The following SLC24A2 variants were observed in gnomAD, a reference collection of about 807,000 sequenced individuals.
The protein encoded by SLC24A2 is solute carrier family 24 member 2.
A neutral mutation model predicts 62.0 loss-of-function variants in SLC24A2; 36 were observed. The observed-to-expected ratio is 0.58, with a 90% CI of 0.44 to 0.77. SLC24A2 has a LOEUF of 0.77. Among genes scored for constraint, SLC24A2 ranks in the 30% least tolerant of loss-of-function variants. The pLI is 0.00. For missense variants in SLC24A2, 846 were observed against 817.9 expected (o/e 1.03, Z -0.42); for synonymous variants, 358 against 294.0 (o/e 1.22, Z -2.23).
At chr9:20,219,784 G>T in the SLC24A2 span, among the ~76,000 whole-genome samples, 1 of 152,030 alleles carries the variant, frequency 6.6e-6, no homozygotes. Context: ...CTTGCTCTTG[G>T]GTCCAGCTGT....
At chr9:20,118,796 T>C in the SLC24A2 span, among the ~76,000 whole-genome samples, 15 of 152,188 alleles carry the variant, frequency 9.9e-5, no homozygotes, top group African/African-American at 3.1e-4. Context: ...GGTAAACAAG[T>C]ATAGGGTAGT....
intron 2 of SLC24A2, among the ~76,000 whole-genome samples, chr9:19,666,601 G>C (rs1257488855): frequency 1.1e-4 from 16 of 152,148 alleles, no homozygotes; most frequent in Non-Finnish European, 1.5e-5. Flanking sequence ...TTAGTGCAGA[G>C]TTTAGAAAGC....
the SLC24A2 span, among the ~76,000 whole-genome samples, chr9:20,219,836 T>A: frequency 4.6e-5 from 7 of 152,166 alleles, no homozygotes; most frequent in Middle Eastern, 3.2e-3. Flanking sequence ...AATAAACAAT[T>A]TCATAATTTC....
At chr9:20,045,700 G>T in the SLC24A2 span, among the ~76,000 whole-genome samples, 169 of 152,182 alleles carry the variant, frequency 1.1e-3, no homozygotes, top group African/African-American at 3.2e-3. Flanking sequence ...CAAAGAGCTG[G>T]AATTACAGGG....
chr9:19,664,217 A>G (rs929701113), intron 2 of SLC24A2, among the ~76,000 whole-genome samples: 1 of 152,248 alleles, frequency 6.6e-6, no homozygotes, highest in African/African-American at 2.4e-5. Context: ...TAGGAGTCAG[A>G]ATCAAAACAT....
chr9:19,531,110 C>A (rs1344709827), intron 8 of SLC24A2, among the ~76,000 whole-genome samples: 3 of 152,192 alleles, frequency 2.0e-5, no homozygotes, highest in African/African-American at 7.2e-5. Flanking sequence ...ATCTGCCTCG[C>A]CCAACCTCCC....
chr9:20,128,266 T>C, the SLC24A2 span, among the ~76,000 whole-genome samples: 1 of 152,152 alleles, frequency 6.6e-6, no homozygotes, highest in African/African-American at 2.4e-5. Context: ...GGATTCTGAA[T>C]GGACTGGTGA....
At chr9:19,883,771 T>C in the SLC24A2 span, among the ~76,000 whole-genome samples, 1 of 152,134 alleles carries the variant, frequency 6.6e-6, no homozygotes, top group South Asian at 2.1e-4. Context: ...TTCACTGTGT[T>C]AGCCAGGATG....
the SLC24A2 span, among the ~76,000 whole-genome samples, chr9:19,872,123 G>T: frequency 1.3e-5 from 2 of 152,126 alleles, no homozygotes; most frequent in Non-Finnish European, 2.9e-5. Flanking sequence ...GGCTAGGATG[G>T]TATGGTCAAA....
chr9:20,069,429 C>G, the SLC24A2 span, among the ~76,000 whole-genome samples: 1 of 152,110 alleles, frequency 6.6e-6, no homozygotes, highest in African/African-American at 2.4e-5. Context: ...TTATTATAAA[C>G]TATAAACATG....
At chr9:20,178,000 T>A in the SLC24A2 span, among the ~76,000 whole-genome samples, 3 of 152,180 alleles carry the variant, frequency 2.0e-5, no homozygotes, top group Admixed American at 2.0e-4. Flanking sequence ...TTAATTCAAG[T>A]CAATATTCAA....
chr9:19,751,852 A>G (rs1821995537), intron 2 of SLC24A2, among the ~76,000 whole-genome samples: 1 of 152,192 alleles, frequency 6.6e-6, no homozygotes, highest in African/African-American at 2.4e-5. Flanking sequence ...TTGGCAGTGC[A>G]CTTTACCAAG....
intron 2 of SLC24A2, among the ~76,000 whole-genome samples, chr9:19,760,966 G>C (rs182161271): frequency 6.6e-6 from 1 of 151,936 alleles, no homozygotes; most frequent in Admixed American, 6.6e-5. Flanking sequence ...TCACGTAAAC[G>C]ACAAGTTAAG....
chr9:19,835,685 A>C, the SLC24A2 span, among the ~76,000 whole-genome samples: 1 of 152,202 alleles, frequency 6.6e-6, no homozygotes, highest in Non-Finnish European at 1.5e-5. Context: ...AAAGTTAACA[A>C]GGATATCCAA....
chr9:20,013,178 C>T, the SLC24A2 span, among the ~76,000 whole-genome samples: 1 of 151,934 alleles, frequency 6.6e-6, no homozygotes. Context: ...GTAATGAAGC[C>T]TGCATGGTAG....
At chr9:20,261,720 G>C in the SLC24A2 span, among the ~76,000 whole-genome samples, 1 of 132,398 alleles carries the variant, frequency 7.6e-6, no homozygotes, top group Non-Finnish European at 1.6e-5. Flanking sequence ...AAAATTTGTA[G>C]AAAACACCAA....
intron 2 of SLC24A2, among the ~76,000 whole-genome samples, chr9:19,663,836 T>C (rs912179199): frequency 1.3e-5 from 2 of 152,210 alleles, no homozygotes; most frequent in African/African-American, 4.8e-5. Context: ...TGCAAGACAC[T>C]GAAGCTGCTA....
At chr9:20,159,713 A>T in the SLC24A2 span, among the ~76,000 whole-genome samples, 22 of 151,616 alleles carry the variant, frequency 1.5e-4, no homozygotes, top group African/African-American at 4.8e-4. Context: ...AGCAGATCAG[A>T]TAATAAAAGA....
the SLC24A2 span, among the ~76,000 whole-genome samples, chr9:19,984,811 G>T: frequency 6.6e-6 from 1 of 151,880 alleles, no homozygotes; most frequent in African/African-American, 2.4e-5. Context: ...AAATGGTCCT[G>T]GGACAACTGG....
Sources: allele counts gnomAD v4.1 joint callset (sites outside exome capture counted in the v4.1 genomes callset), GRCh38; gene constraint gnomAD v4.1.1; transcripts MANE v1.5; gene names NCBI Gene and HGNC (gene_info 2026-07-23, HGNC 2026-07-21).